Variants in BICRAL observed in about 807,000 individuals in gnomAD.
The protein encoded by BICRAL is BRD4-interacting chromatin-remodeling complex-associated protein-like.
In BICRAL, 8 loss-of-function variants were observed where a neutral mutation model predicts 91.8. That is an observed-to-expected ratio of 0.09 (90% CI 0.05 to 0.16). The LOEUF (loss-of-function observed/expected upper bound fraction) is 0.16, where lower values mean the gene tolerates loss of function less well. Among genes scored for constraint, BICRAL ranks in the 10% least tolerant of loss-of-function variants. The probability of loss-of-function intolerance (pLI) is 1.00; values close to 1 mark genes in which losing one functional copy is unlikely to be tolerated. For missense variants in BICRAL, 1,038 were observed against 1,310.9 expected (o/e 0.79, Z 3.21); for synonymous variants, 445 against 491.1 (o/e 0.91, Z 1.24).
intron 6 of BICRAL, among the ~76,000 whole-genome samples, chr6:42,831,702 G>A (rs1276346945): frequency 6.6e-6 from 1 of 151,338 alleles, no homozygotes; most frequent in Admixed American, 6.6e-5. Flanking sequence ...CATTCAGAAG[G>A]ATTCAAAAAC....
At chr6:42,808,531 C>T (rs2113912430) in intron 1 of BICRAL, among the ~76,000 whole-genome samples, 1 of 152,280 alleles carries the variant, frequency 6.6e-6, no homozygotes, top group Non-Finnish European at 1.5e-5. Flanking sequence ...TTTCCATTGC[C>T]AGATTCACCA....
At chr6:42,816,790 G>C (rs1432894658) in intron 2 of BICRAL, among the ~76,000 whole-genome samples, 1 of 151,956 alleles carries the variant, frequency 6.6e-6, no homozygotes, top group Non-Finnish European at 1.5e-5. Flanking sequence ...CGAGGCGGGC[G>C]GATCACGAGG....
intron 6 of BICRAL, among the ~76,000 whole-genome samples, chr6:42,848,107 C>T (rs1582870170): frequency 6.6e-6 from 1 of 150,766 alleles, no homozygotes; most frequent in African/African-American, 2.4e-5. Context: ...CCAGCCTGGG[C>T]GACAGAGTGA....
chr6:42,850,079 T>C (rs112564911), intron 6 of BICRAL, among the ~76,000 whole-genome samples: 2,211 of 151,872 alleles, frequency 0.015, 51 homozygotes, highest in African/African-American at 0.051. Context: ...AAGCTTAGTT[T>C]GTCAATGGTC....
intron 6 of BICRAL, among the ~76,000 whole-genome samples, chr6:42,837,609 G>A (rs1047939786): frequency 6.6e-5 from 10 of 151,934 alleles, no homozygotes; most frequent in African/African-American, 1.4e-4. Context: ...AAAATTAGCC[G>A]GATGTGGTGG....
At chr6:42,748,672 G>A (rs1464793355) in intron 1 of BICRAL, among the ~76,000 whole-genome samples, 1 of 152,226 alleles carries the variant, frequency 6.6e-6, no homozygotes, top group African/African-American at 2.4e-5. Context: ...GTGAGGAGTA[G>A]TGGAAAGGGG....
rs373516069 is a variant in BICRAL, at chr6:42,749,568, G to A, written c.-261+2545G>A. 3.2e-4 allele frequency among the ~76,000 whole-genome samples: 49 copies of A among 152,244 alleles called. 1 individual carries two copies. In the East Asian group the frequency reaches 6.2e-3, roughly 19 times the overall value. ...TTCCCAACACAAAGAAGTGATAAAT[G>A]TTTGAAGTAATAGATATCCCAATTA... On this transcript the variant is annotated intron_variant, in intron 1 of 14. Coordinates refer to the BICRAL transcript ENST00000614467.
chr6:42,866,748 T>C lies in BICRAL; in HGVS notation c.*1302T>C, dbSNP rs972177082. The C allele has an allele frequency of 2.4e-5, 11 of 455,268 alleles. No individual in the cohort carries two copies. Among genetic ancestry groups the C allele is most frequent in the South Asian group, 1.6e-4 (10 of 64,466 alleles). The allele number at this position is 455,268 out of a possible 1,614,324, so 28.2% of individuals were successfully genotyped here. On this transcript the variant is annotated 3_prime_UTR_variant, in exon 13 of 13. Transcript: ENST00000314073. The stretch of plus-strand genomic sequence containing the variant: ...CATATTAGTGAGCATGGCTTACTGC[T>C]TTATTTATTTTTATTTCTTGTCAGG...
intron 6 of BICRAL, among the ~76,000 whole-genome samples, chr6:42,839,619 A>C (rs190437366): frequency 6.6e-6 from 1 of 152,136 alleles, no homozygotes; most frequent in Admixed American, 6.6e-5. Flanking sequence ...TATGATTTTG[A>C]AGCTCACCCA....
chr6:42,807,804 G>GA (rs751723957), intron 1 of BICRAL, among the ~76,000 whole-genome samples: 2,892 of 128,182 alleles, frequency 0.023, 95 homozygotes, highest in African/African-American at 0.073. Flanking sequence ...GACTCCGTCT[G>GA]AAAAAAAAAA....
intron 5 of BICRAL, among the ~76,000 whole-genome samples, chr6:42,823,314 G>C (rs529391745): frequency 6.6e-6 from 1 of 152,166 alleles, no homozygotes; most frequent in South Asian, 2.1e-4. Flanking sequence ...TAGAGACAGA[G>C]TTTCGCCATG....
chr6:42,782,680 A>T (rs1180875931), intron 1 of BICRAL, among the ~76,000 whole-genome samples: 1 of 150,608 alleles, frequency 6.6e-6, no homozygotes, highest in Non-Finnish European at 1.5e-5. Context: ...TTAATGACTC[A>T]TTGATTGAGC....
intron 1 of BICRAL, among the ~76,000 whole-genome samples, chr6:42,756,633 G>A (rs912320763): frequency 1.3e-5 from 2 of 151,636 alleles, no homozygotes; most frequent in Admixed American, 1.3e-4. Context: ...TTGCCCCAGA[G>A]ATCTTTTTTT....
intron 2 of BICRAL, among the ~76,000 whole-genome samples, chr6:42,817,437 C>A (rs1582841758): frequency 6.6e-6 from 1 of 151,268 alleles, no homozygotes; most frequent in African/African-American, 2.4e-5. Context: ...TAAAACTCAC[C>A]CTTTTAAAGT....
intron 1 of BICRAL, among the ~76,000 whole-genome samples, chr6:42,798,386 A>AG (rs201464099): frequency 8.7e-6 from 1 of 114,856 alleles, no homozygotes; most frequent in South Asian, 3.0e-4. Flanking sequence ...AAAAGAAAAA[A>AG]AATTTTTTTA....
intron 6 of BICRAL, among the ~76,000 whole-genome samples, chr6:42,845,789 C>T (rs1425628509): frequency 2.0e-5 from 3 of 151,832 alleles, no homozygotes; most frequent in African/African-American, 4.8e-5. Context: ...CCTGGCCGGG[C>T]GCGGTGGCTC....
In BICRAL at chr6:42,828,866, C is replaced by T. The variant is rs779170783; in HGVS notation, c.533C>T (p.Ala178Val). ...VTHVPVGASFASNTVGVQHGF... is the reference protein window; with the variant it reads ...VTHVPVGASFVSNTVGVQHGF... ...CATGTGCCTGTTGGAGCATCGTTTG[C>T]AAGCAATACAGTGGGTGTACAACAT... The change falls in exon 6 of 13, where the codon GCA becomes GTA. Residue 178 changes from alanine (A) to valine (V), a missense_variant. Transcript: ENST00000314073. The T allele has an allele frequency of 6.2e-7, 1 of 1,614,158 alleles. No individual in the cohort carries two copies. The highest frequency in any genetic ancestry group is 8.5e-7 in the Non-Finnish European group (1 of 1,180,002).
chr6:42,854,244 G>C (rs1293903440), intron 8 of BICRAL, among the ~76,000 whole-genome samples: 1 of 152,118 alleles, frequency 6.6e-6, no homozygotes, highest in Non-Finnish European at 1.5e-5. Context: ...TGTCACCCAG[G>C]CTGGCATGCA....
intron 1 of BICRAL, among the ~76,000 whole-genome samples, chr6:42,755,734 A>G (rs1762448309): frequency 7.0e-6 from 1 of 142,842 alleles, no homozygotes; most frequent in Admixed American, 7.3e-5. Context: ...CAATGGCGTG[A>G]TCTCAGCTCA....
Sources: gnomAD v4.1 joint callset for allele counts (sites outside exome capture counted in the v4.1 genomes callset) on GRCh38, gnomAD v4.1.1 for gene constraint, MANE v1.5 for transcripts, NCBI Gene and HGNC (gene_info 2026-07-23, HGNC 2026-07-21) for gene names.